Variants in ATP8B4 observed in about 807,000 individuals in gnomAD.
ATP8B4 encodes probable phospholipid-transporting ATPase IM.
A neutral mutation model predicts 145.6 loss-of-function variants in ATP8B4; 133 were observed. The observed-to-expected ratio is 0.91, with a 90% CI of 0.79 to 1.05. The LOEUF is 1.05. Ranked by LOEUF, ATP8B4 falls within the 50% of genes least tolerant of loss-of-function variation. The probability of loss-of-function intolerance (pLI) is 0.00; values close to 1 mark genes in which losing one functional copy is unlikely to be tolerated. For missense variants in ATP8B4, 1,458 were observed against 1,425.2 expected (o/e 1.02, Z -0.37); for synonymous variants, 507 against 492.9 (o/e 1.03, Z -0.38).
intron 2 of ATP8B4, among the ~76,000 whole-genome samples, chr15:50,086,688 A>G (rs1288773489): frequency 9.3e-6 from 1 of 107,292 alleles, no homozygotes; most frequent in African/African-American, 4.3e-5. Flanking sequence ...TATATAATAA[A>G]ATAATAGAGA....
intron 17 of ATP8B4, chr15:49,922,523 T>G (rs1215444632): frequency 9.1e-6 from 3 of 329,802 alleles, no homozygotes; most frequent in African/African-American, 6.6e-5. Context: ...CAGAGGATTT[T>G]TTTTATTTGT....
At chr15:49,996,623 G>A in intron 9 of ATP8B4, 54 bp downstream of exon 9, 1 of 1,342,680 alleles carries the variant, frequency 7.4e-7, no homozygotes, top group South Asian at 1.3e-5. Flanking sequence ...TTACTTTGTT[G>A]CATTGCTTTT....
At chr15:49,990,918 T>C (rs2046996523) in intron 9 of ATP8B4, among the ~76,000 whole-genome samples, 1 of 152,180 alleles carries the variant, frequency 6.6e-6, no homozygotes, top group Non-Finnish European at 1.5e-5. Context: ...GCCCTGATGA[T>C]TGTGACAAAT....
Position 49,918,853 on chromosome 15 carries a change from G to A in ATP8B4, c.2021C>T (p.Thr674Ile), listed in dbSNP as rs144610242. 3 of 1,609,478 alleles carry A rather than the reference G, an allele frequency of 1.9e-6. No individual in the cohort carries two copies. The highest frequency in any genetic ancestry group is 2.6e-6 in the Non-Finnish European group (3 of 1,176,452). ...SLANIKIWVL[T>I]GDKQETAINI... ...TTTCAAGTTACCTTGTTTGTCTCCT[G>A]TTAGGACCCAGATCTTAATATTGGC... is the stretch of plus-strand genomic sequence containing the variant. Residue 674 changes from threonine (T) to isoleucine (I), a missense_variant, in exon 19 of 28, where the codon ACA becomes ATA. Thr to Ile is a moderately conservative substitution (Grantham distance 89). Transcript: ENST00000284509.
chr15:50,024,046 CT>C (rs1355705186), intron 6 of ATP8B4, among the ~76,000 whole-genome samples: 5 of 152,164 alleles, frequency 3.3e-5, no homozygotes, highest in African/African-American at 1.2e-4. Flanking sequence ...CATATTATCA[CT>C]CAAGTTTCAA....
chr15:50,005,767 G>A (rs1026775662), intron 7 of ATP8B4, among the ~76,000 whole-genome samples: 3 of 152,240 alleles, frequency 2.0e-5, no homozygotes, highest in South Asian at 2.1e-4. Context: ...ACACAACTAC[G>A]AAAAACAGAA....
chr15:50,169,071 C>T (rs991996289), intron 1 of ATP8B4, among the ~76,000 whole-genome samples: 1 of 152,172 alleles, frequency 6.6e-6, no homozygotes, highest in African/African-American at 2.4e-5. Context: ...AGCCCCACCC[C>T]CATCTGATGG....
In ATP8B4 at chr15:50,159,975, C is replaced by G. The variant is rs536332755; in HGVS notation, c.-43+22286G>C. ...AGTTTGAGTCGGATTGATATTGGTT[C>G]TTCTTTAAATATTTGATAAAATTCA... On this transcript the variant is annotated intron_variant, in intron 1 of 3. Coordinates refer to the ATP8B4 transcript ENST00000558829. Among the ~76,000 whole-genome samples, 189 of 94,960 alleles carry G rather than the reference C, an allele frequency of 2.0e-3. 1 individual carries two copies. The highest frequency in any genetic ancestry group is 7.5e-3 in the African/African-American group (187 of 24,800). 62.3% of individuals were successfully genotyped at this position (94,960 alleles called of 152,430 possible).
At chr15:49,960,618 T>C (rs1021121025) in intron 14 of ATP8B4, among the ~76,000 whole-genome samples, 1 of 152,172 alleles carries the variant, frequency 6.6e-6, no homozygotes, top group Non-Finnish European at 1.5e-5. Context: ...ATCTAAGGCA[T>C]AAACCTCAGT....
At chr15:49,870,367 G>A (rs1246370724) in intron 25 of ATP8B4, among the ~76,000 whole-genome samples, 1 of 152,106 alleles carries the variant, frequency 6.6e-6, no homozygotes, top group Non-Finnish European at 1.5e-5. Flanking sequence ...GTTAAAGAAG[G>A]GAAGGAAAGG....
chr15:49,876,587 C>T, intron 24 of ATP8B4, 64 bp from the exon 25 acceptor site: 2 of 1,594,730 alleles, frequency 1.3e-6, no homozygotes, highest in African/African-American at 1.3e-5. Flanking sequence ...CTTGTATTCC[C>T]TATCTTCAGA....
chr15:50,081,115 G>GA (rs36059633), intron 2 of ATP8B4, among the ~76,000 whole-genome samples: 85,212 of 131,152 alleles, frequency 0.65, 26,457 homozygotes, highest in East Asian at 0.72. Context: ...TACGTCTCAA[G>GA]AAAAAAAAAA....
chr15:50,151,350 A>T (rs2044344798), intron 1 of ATP8B4, among the ~76,000 whole-genome samples: 1 of 152,204 alleles, frequency 6.6e-6, no homozygotes. Context: ...AGGAAGCCAA[A>T]CCAAGGCAGA....
rs1012178595 is a variant in ATP8B4 at position 50,171,451 on chromosome 15, A to G, written c.-43+10810T>C. Among the ~76,000 whole-genome samples, 6 of 152,378 alleles carry G rather than the reference A, an allele frequency of 3.9e-5. 1 individual carries two copies. In the South Asian group the frequency reaches 6.2e-4, roughly 16 times the overall value. ...TGGAAATTAAATAACCTGATCCTGA[A>G]TGAGCTTTGGGTAAAAACGAAATCA... On this transcript the variant is annotated intron_variant, in intron 1 of 3. Coordinates refer to the ATP8B4 transcript ENST00000558829.
In ATP8B4 at chr15:49,901,213, T is replaced by A; in HGVS notation, c.2168A>T (p.Gln723Leu). 6.2e-7 allele frequency: 1 copy of A among 1,613,500 alleles called. No individual in the cohort carries two copies. The highest frequency in any genetic ancestry group is 8.5e-7 in the Non-Finnish European group (1 of 1,179,652). Residue 723 changes from glutamine (Q) to leucine (L), a missense_variant, in exon 21 of 28, where the codon CAA (glutamine) becomes CTA (leucine). Transcript: ENST00000284509. ...ATGGCCATTGGAAAAATTTCTGTTT[T>A]GTCCAAACAAATTTTGTTTTGCTTT... ...LRKAKQNLFG[Q>L]NRNFSNGHVV...
chr15:49,998,436 C>A (rs190992381), intron 8 of ATP8B4, among the ~76,000 whole-genome samples: 1 of 152,224 alleles, frequency 6.6e-6, no homozygotes, highest in Non-Finnish European at 1.5e-5. Flanking sequence ...GCCATTCTAA[C>A]TGGCGTGAGA....
At chr15:50,047,962 G>C (rs2051853139) in intron 3 of ATP8B4, among the ~76,000 whole-genome samples, 1 of 152,168 alleles carries the variant, frequency 6.6e-6, no homozygotes, top group African/African-American at 2.4e-5. Context: ...AACGGGAATT[G>C]CTGGAATGGT....
chr15:49,902,141 A>C (rs192060021), intron 20 of ATP8B4: 4 of 156,754 alleles, frequency 2.6e-5, no homozygotes, highest in Admixed American at 6.5e-5. Context: ...AGGCAAGCTG[A>C]CAAACCTACA....
At chr15:50,085,931 ATATATTTATATATGAT>A (rs2054930834) in intron 2 of ATP8B4, among the ~76,000 whole-genome samples, 2 of 44,506 alleles carry the variant, frequency 4.5e-5, no homozygotes, top group Non-Finnish European at 9.9e-5. Flanking sequence ...TATATATCAT[ATATATTTATATATGAT>A]ATATATCATA....
Sources: allele counts gnomAD v4.1 joint callset (sites outside exome capture counted in the v4.1 genomes callset), GRCh38; gene constraint gnomAD v4.1.1; transcripts MANE v1.5; gene names NCBI Gene and HGNC (gene_info 2026-07-23, HGNC 2026-07-21).